ZC3H3: variants seen among roughly 807,000 people sequenced by gnomAD.
ZC3H3 encodes the protein zinc finger CCCH domain-containing protein 3.
ZC3H3 carries 36 observed loss-of-function variants against 77.3 expected under a neutral mutation model. The ratio of observed to expected loss-of-function variants is 0.47; its 90% confidence interval spans 0.36 to 0.61. The LOEUF is 0.61. Among genes scored for constraint, ZC3H3 ranks in the 20% least tolerant of loss-of-function variants. The pLI, the probability that ZC3H3 is intolerant of heterozygous loss-of-function variation, is 0.00. For synonymous variants in ZC3H3, 626 were observed against 555.2 expected (o/e 1.13, Z -1.79); for missense variants, 1,331 against 1,312.2 (o/e 1.01, Z -0.22).
chr8:143,536,969 C>T (rs927851331), intron 2 of ZC3H3, among the ~76,000 whole-genome samples: 2 of 151,986 alleles, frequency 1.3e-5, no homozygotes, highest in South Asian at 2.1e-4. Context: ...GAGTGGGAGC[C>T]GGGTGCCCAT....
In ZC3H3 at chr8:143,469,465, G is replaced by A. The variant is rs570813569; in HGVS notation, c.1904-806C>T. ...CCTGTCCCTGAAGCCCTGGGCTGGC[G>A]CTGGCAGATCCTGGCTAGTGTCTGT... On this transcript the variant is annotated intron_variant, in intron 5 of 11. Coordinates refer to ENST00000262577, the MANE Select transcript of ZC3H3 (RefSeq NM_015117.3). Among the ~76,000 whole-genome samples the A allele has an allele frequency of 1.1e-4, 16 of 152,354 alleles. No homozygotes were observed. The South Asian group carries it at 2.7e-3, about 26-fold the overall frequency.
rs571824996 is a variant in ZC3H3 at position 143,511,298 on chromosome 8, G to A, written c.1562-3399C>T. Among the ~76,000 whole-genome samples the A allele has an allele frequency of 5.3e-5, 8 of 152,328 alleles. No individual in the cohort carries two copies. The South Asian group carries it at 6.2e-4, about 12-fold the overall frequency. On this transcript the variant is annotated intron_variant, in intron 3 of 11. Transcript: ENST00000262577. ...CCTGCCCACCCGGCTCACTCTCCTC[G>A]GACAATTCCAACACAGATGGCTGGT...
Position 143,475,512 on chromosome 8 carries a change from G to A in ZC3H3, c.1789C>T (p.Arg597Trp), listed in dbSNP as rs375938166. 221 of 1,612,192 alleles carry A rather than the reference G, an allele frequency of 1.4e-4. No individual in the cohort carries two copies. Among genetic ancestry groups the A allele is most frequent in the Admixed American group, 6.8e-4 (41 of 59,868 alleles). ...CCGATGCAGCGGTAGCCTTTGCTCC[G>A]CCACCAAGGGGAGCCCGGTTGGGCT... Reference protein sequence around the residue: ...GKAQPGSPWWRSKGYRCIGGV... With the variant: ...GKAQPGSPWWWSKGYRCIGGV... The change falls in exon 5 of 12, where the codon CGG becomes TGG. Residue 597 changes from arginine to tryptophan, a missense_variant. This residue lies in a region of ZC3H3 where 978 missense variants were observed against 915.5 expected (regional missense o/e 1.07). Transcript: ENST00000262577.
intron 4 of ZC3H3, among the ~76,000 whole-genome samples, chr8:143,484,339 A>AC (rs1820991452): frequency 6.6e-6 from 1 of 152,148 alleles, no homozygotes; most frequent in African/African-American, 2.4e-5. Context: ...AATACTAATG[A>AC]CACTGCCTCC....
At chr8:143,537,781 G>A (rs1822849963) in intron 2 of ZC3H3, among the ~76,000 whole-genome samples, 1 of 152,194 alleles carries the variant, frequency 6.6e-6, no homozygotes. Context: ...GGGCTTGCCA[G>A]CAGTGTGAGG....
rs765352890 is a variant in ZC3H3 at position 143,440,258 on chromosome 8, A to G, written c.2598T>C (p.Ser866=). ...AGGAGGAAGCCTTCGAGGATGAGGGAGAGGCTGACCCCCCTGGGCAGTGGG... is the reference window on the plus strand; with the variant it reads ...AGGAGGAAGCCTTCGAGGATGAGGGGGAGGCTGACCCCCCTGGGCAGTGGG... ...APPHCPGGSA[S]PSSSKASSSS... is the part of the protein sequence containing the mutation. The change falls in exon 11 of 12, where the codon TCT becomes TCC. Residue 866 remains serine (S), a synonymous_variant. Transcript: ENST00000262577. 25 of 1,594,294 alleles carry G rather than the reference A, an allele frequency of 1.6e-5. No individual in the cohort carries two copies. The highest frequency in any genetic ancestry group is 2.7e-5 in the African/African-American group (2 of 74,864).
intron 4 of ZC3H3, among the ~76,000 whole-genome samples, chr8:143,478,602 C>T (rs1004043669): frequency 2.0e-5 from 3 of 152,206 alleles, no homozygotes; most frequent in Non-Finnish European, 2.9e-5. Context: ...CTCCGCCTCC[C>T]GGGTTCAAGA....
intron 4 of ZC3H3, among the ~76,000 whole-genome samples, chr8:143,485,772 C>T (rs1446943391): frequency 6.6e-6 from 1 of 152,222 alleles, no homozygotes. Context: ...AGCCAAAAGG[C>T]AAATCACACA....
rs1209433970 is a variant in ZC3H3, at chr8:143,440,185, G to A, written c.2671C>T (p.Pro891Ser). ...GCTAAGGCAGCCTCCTGGAGAGATG[G>A]TGCCTCGTGGTCCAAGGAAGCGGGA... ...SPPASLDHEA[P>S]SLQEAALAAA... is the part of the protein sequence containing the mutation. Residue 891 changes from proline (P) to serine (S), a missense_variant, in exon 11 of 12, where the codon CCA becomes TCA. Around this residue, in one of 3 missense-constraint regions of ZC3H3, gnomAD observed 249 missense variants for 236.9 expected, o/e 1.05. Transcript: ENST00000262577. 6.2e-7 allele frequency: 1 copy of A among 1,611,834 alleles called. No homozygotes were observed. The highest frequency in any genetic ancestry group is 1.1e-5 in the South Asian group (1 of 90,722).
intron 3 of ZC3H3, among the ~76,000 whole-genome samples, chr8:143,529,962 G>A (rs987643853): frequency 1.3e-5 from 2 of 152,232 alleles, no homozygotes; most frequent in African/African-American, 4.8e-5. Flanking sequence ...CTTTCTGCCA[G>A]TGAGCTGGGG....
chr8:143,453,376 AC>A (rs1175534779), intron 9 of ZC3H3, among the ~76,000 whole-genome samples: 3 of 152,204 alleles, frequency 2.0e-5, no homozygotes, highest in Non-Finnish European at 4.4e-5. Context: ...GGAACGAGTC[AC>A]AGCACCCCAC....
In ZC3H3 at chr8:143,528,898, G is replaced by A. The variant is rs35616099; in HGVS notation, c.1561+7359C>T. Among the ~76,000 whole-genome samples the A allele has an allele frequency of 8.4e-3, 1,286 of 152,352 alleles. 9 individuals are homozygous for A. The highest frequency in any genetic ancestry group is 0.029 in the African/African-American group (1,217 of 41,584). The stretch of plus-strand genomic sequence containing the variant: ...CCTGAGGCTCACGTGCACGCAGGGC[G>A]GCCAGGGTGCTCCCCACAGCACCTT... On this transcript the variant is annotated intron_variant, in intron 3 of 11. Coordinates refer to ENST00000262577, the MANE Select transcript of ZC3H3 (RefSeq NM_015117.3).
At chr8:143,456,666 G>C (rs1820131010) in intron 9 of ZC3H3, among the ~76,000 whole-genome samples, 2 of 152,120 alleles carry the variant, frequency 1.3e-5, no homozygotes, top group African/African-American at 4.8e-5. Flanking sequence ...AGGAGTTGAA[G>C]ACTAGCCTGA....
In ZC3H3 at chr8:143,511,602, A is replaced by G. The variant is rs1869442; in HGVS notation, c.1562-3703T>C. Among the ~76,000 whole-genome samples, 1,302 of 152,220 alleles carry G rather than the reference A, an allele frequency of 8.6e-3. 10 individuals carry two copies. The highest frequency in any genetic ancestry group is 0.03 in the African/African-American group (1,233 of 41,528). On this transcript the variant is annotated intron_variant, in intron 3 of 11. Coordinates refer to ENST00000262577, the MANE Select transcript of ZC3H3 (RefSeq NM_015117.3). The stretch of plus-strand genomic sequence containing the variant: ...TGGGGAGCTGTCCAGCTATCTGTCC[A>G]GCTCCCAGCCTGCTGATGGGAGGGT...
In ZC3H3 at chr8:143,538,190, G is replaced by C. The variant is rs376905833; in HGVS notation, c.1177C>G (p.Arg393Gly). 8 of 1,613,002 alleles carry C rather than the reference G, an allele frequency of 5.0e-6. No individual in the cohort carries two copies. Reference sequence around the variant, plus strand: ...TTGCTGCTGGCCTCCGACTGCCAACGGAAGGAGGAAGAGGAGGAGGCAGAG... The same window carrying C: ...TTGCTGCTGGCCTCCGACTGCCAACCGAAGGAGGAAGAGGAGGAGGCAGAG... Reference protein sequence around the residue: ...SPSASSSSSFRWQSEASSKDH... With the variant: ...SPSASSSSSFGWQSEASSKDH... Residue 393 changes from arginine (R) to glycine (G), a missense_variant, in exon 2 of 12, where the codon CGT (arginine) becomes GGT (glycine). Arg to Gly is a moderately radical substitution (Grantham distance 125). Coordinates refer to ENST00000262577, the MANE Select transcript of ZC3H3 (RefSeq NM_015117.3).
At chr8:143,495,497 C>A (rs1031110897) in intron 4 of ZC3H3, among the ~76,000 whole-genome samples, 15 of 152,210 alleles carry the variant, frequency 9.9e-5, no homozygotes, top group Non-Finnish European at 2.9e-5. Flanking sequence ...GGGATGGAGG[C>A]CTCTACCGGG....
intron 8 of ZC3H3, 38 bp downstream of exon 8, chr8:143,468,171 A>G: frequency 6.3e-7 from 1 of 1,590,108 alleles, no homozygotes; most frequent in African/African-American, 1.3e-5. Flanking sequence ...GCCCCGGAGA[A>G]AGGTGCACGG....
chr8:143,445,489 A>C (rs1424016576), intron 9 of ZC3H3, among the ~76,000 whole-genome samples: 3 of 152,060 alleles, frequency 2.0e-5, no homozygotes, highest in Non-Finnish European at 4.4e-5. Context: ...GTTCGAAATC[A>C]GCCTGGGCAA....
chr8:143,517,983 C>T (rs990461143), intron 3 of ZC3H3, among the ~76,000 whole-genome samples: 2 of 152,184 alleles, frequency 1.3e-5, no homozygotes, highest in East Asian at 3.8e-4. Flanking sequence ...GGCCAAGCCC[C>T]GAGGCCCTGG....
Sources: gnomAD v4.1 joint callset for allele counts (sites outside exome capture counted in the v4.1 genomes callset) on GRCh38, gnomAD v4.1.1 for gene constraint, gnomAD v4.1.1 regional missense constraint, MANE v1.5 for transcripts, NCBI Gene and HGNC (gene_info 2026-07-23, HGNC 2026-07-21) for gene names.